CACNA2D2: variants seen among roughly 807,000 people sequenced by gnomAD.
The protein encoded by CACNA2D2 is calcium voltage-gated channel auxiliary subunit alpha2delta 2, also known as voltage-dependent calcium channel subunit alpha-2/delta-2.
A neutral mutation model predicts 166.4 loss-of-function variants in CACNA2D2; 48 were observed. The observed-to-expected ratio is 0.29, with a 90% confidence interval of 0.23 to 0.37. The LOEUF (loss-of-function observed/expected upper bound fraction) is 0.37. Among genes scored for constraint, CACNA2D2 ranks in the 10% least tolerant of loss-of-function variants. The probability of loss-of-function intolerance (pLI) is 1.00; values close to 1 mark genes in which losing one functional copy is unlikely to be tolerated. For missense variants in CACNA2D2, 1,122 were observed against 1,433.0 expected (o/e 0.78, Z 3.50); for synonymous variants, 561 against 573.7 (o/e 0.98, Z 0.32).
chr3:50,500,676 A>G (rs957962184), intron 1 of CACNA2D2, among the ~76,000 whole-genome samples: 2 of 152,004 alleles, frequency 1.3e-5, no homozygotes, highest in East Asian at 1.9e-4. Context: ...ATGTGCATAC[A>G]TGTGTGCAAA....
chr3:50,394,153 C>T lies in CACNA2D2; in HGVS notation c.421G>A (p.Ala141Thr). The change falls in exon 4 of 38, where the codon GCA (alanine) becomes ACA (threonine). Residue 141 changes from alanine to threonine, a missense_variant. Transcript: ENST00000424201. ...CGGTGTGCTTTCTGGAAGTTCTCTG[C>T]AGCATCAGCCAGTCTCTGAGGGACA... ...VQALKRLADA[A>T]ENFQKAHRWQ... 1 of 1,614,066 alleles carries T rather than the reference C, an allele frequency of 6.2e-7. No individual in the cohort carries two copies.
chr3:50,501,655 G>C (rs1698968895), intron 1 of CACNA2D2, among the ~76,000 whole-genome samples: 1 of 152,200 alleles, frequency 6.6e-6, no homozygotes, highest in African/African-American at 2.4e-5. Flanking sequence ...GAGGTGGAAA[G>C]AGACATCCAC....
chr3:50,448,998 G>A (rs1011653616), intron 2 of CACNA2D2, among the ~76,000 whole-genome samples: 1 of 152,194 alleles, frequency 6.6e-6, no homozygotes, highest in African/African-American at 2.4e-5. Flanking sequence ...CAGACAAGAG[G>A]ATCTGGAAAC....
chr3:50,377,380 C>G, intron 17 of CACNA2D2, 87 bp downstream of exon 17: 3 of 1,071,992 alleles, frequency 2.8e-6, no homozygotes, highest in Non-Finnish European at 4.2e-6. Flanking sequence ...TCCATGGAGG[C>G]GCTGTAATAC....
chr3:50,421,116 G>C (rs1176442631), intron 3 of CACNA2D2, among the ~76,000 whole-genome samples: 2 of 152,214 alleles, frequency 1.3e-5, no homozygotes, highest in East Asian at 3.9e-4. Flanking sequence ...CCTGTGTGCT[G>C]GGGAGGGGGC....
At chr3:50,434,486 G>A in intron 2 of CACNA2D2, 57 bp from the exon 3 acceptor site, 1 of 1,249,222 alleles carries the variant, frequency 8.0e-7, no homozygotes, top group Non-Finnish European at 1.2e-6. Context: ...CTCATGCCAT[G>A]GGCCCTGCAT....
At chr3:50,444,128 T>C (rs1708733173) in intron 2 of CACNA2D2, among the ~76,000 whole-genome samples, 1 of 152,178 alleles carries the variant, frequency 6.6e-6, no homozygotes, top group African/African-American at 2.4e-5. Context: ...AGCAACCTTC[T>C]TCAGGGGCTG....
chr3:50,379,372 T>C lies in CACNA2D2; in HGVS notation c.1152+60A>G. On this transcript the variant is annotated intron_variant, in intron 11 of 37. Coordinates refer to ENST00000424201, the MANE Select transcript of CACNA2D2 (RefSeq NM_006030.4). This position sits in a 1 kb window ranked among gnomAD's most constrained non-coding sequence, Gnocchi z 6.5. ...AGGCCATCCGTCTTGATTTCCTGGG[T>C]ACACCAAGCCAGGGCCCTCTACTCC... 6.3e-7 allele frequency: 1 copy of C among 1,589,108 alleles called. No homozygotes were observed. Among genetic ancestry groups the C allele is most frequent in the Admixed American group, 1.7e-5 (1 of 58,736 alleles).
chr3:50,379,070 C>T lies in CACNA2D2; in HGVS notation c.1260+22G>A, dbSNP rs5030977. On this transcript the variant is annotated intron_variant, in intron 12 of 37. Coordinates refer to ENST00000424201, the MANE Select transcript of CACNA2D2 (RefSeq NM_006030.4). The surrounding 1 kb of genome is among the most constrained non-coding windows in gnomAD (Gnocchi z 6.5). ...TGTACTGGGCCCAGGTCAGGGTAGC[C>T]CCTGCCTCGGTTGAGCCTCACCGTC... The T allele has an allele frequency of 0.084, 136,112 of 1,613,318 alleles. 6,375 individuals are homozygous for T. The highest frequency in any genetic ancestry group is 0.096 in the Non-Finnish European group (113,629 of 1,179,422).
At chr3:50,397,208 C>T (rs773125625) in intron 3 of CACNA2D2, among the ~76,000 whole-genome samples, 3 of 152,240 alleles carry the variant, frequency 2.0e-5, no homozygotes, top group Non-Finnish European at 4.4e-5. Flanking sequence ...AGCCCACTGA[C>T]TCGTGAATAA....
intron 2 of CACNA2D2, among the ~76,000 whole-genome samples, chr3:50,438,307 T>C (rs1215925051): frequency 6.6e-6 from 1 of 152,080 alleles, no homozygotes; most frequent in African/African-American, 2.4e-5. Flanking sequence ...GATGGAGACC[T>C]GCCCCTCCAC....
intron 3 of CACNA2D2, among the ~76,000 whole-genome samples, chr3:50,420,073 C>T (rs919539823): frequency 6.6e-6 from 1 of 152,272 alleles, no homozygotes; most frequent in African/African-American, 2.4e-5. Flanking sequence ...CTCTTCCCTC[C>T]ACCTCTCCTT....
Position 50,435,881 on chromosome 3 carries a change from G to A in CACNA2D2, c.289-1452C>T, listed in dbSNP as rs9835557. Among the ~76,000 whole-genome samples, 430 of 152,362 alleles carry A rather than the reference G, an allele frequency of 2.8e-3. 2 individuals are homozygous for A. Among genetic ancestry groups the A allele is most frequent in the African/African-American group, 9.9e-3 (413 of 41,584 alleles). ...ATAAGGGGGCGAGACTTGAGGCCTG[G>A]CCACATGGCCAGGGAGAAGAGAGGC... On this transcript the variant is annotated intron_variant, in intron 2 of 37. Coordinates refer to ENST00000424201, the MANE Select transcript of CACNA2D2 (RefSeq NM_006030.4).
chr3:50,426,090 C>T (rs1707797207), intron 3 of CACNA2D2, among the ~76,000 whole-genome samples: 1 of 152,190 alleles, frequency 6.6e-6, no homozygotes, highest in African/African-American at 2.4e-5. Flanking sequence ...TCTACTTCCT[C>T]CCAATCCCTG....
At chr3:50,382,974 AC>A (rs1354046841) in intron 6 of CACNA2D2, among the ~76,000 whole-genome samples, 1 of 152,134 alleles carries the variant, frequency 6.6e-6, no homozygotes, top group African/African-American at 2.4e-5. Flanking sequence ...ATGCGCACAG[AC>A]CCGTACCCAC....
chr3:50,429,389 C>T (rs1315509115), intron 3 of CACNA2D2, among the ~76,000 whole-genome samples: 1 of 151,886 alleles, frequency 6.6e-6, no homozygotes, highest in Non-Finnish European at 1.5e-5. Flanking sequence ...TATTTCAGGT[C>T]CGGCACTTGG....
intron 3 of CACNA2D2, among the ~76,000 whole-genome samples, chr3:50,408,930 C>T (rs72936978): frequency 6.6e-6 from 1 of 152,204 alleles, no homozygotes; most frequent in African/African-American, 2.4e-5. Flanking sequence ...TTCATTCAGG[C>T]TGCAGTCTCT....
At chr3:50,444,268 A>C (rs567068906) in intron 2 of CACNA2D2, among the ~76,000 whole-genome samples, 1 of 152,198 alleles carries the variant, frequency 6.6e-6, no homozygotes, top group Non-Finnish European at 1.5e-5. Context: ...CTGGCTTTTC[A>C]TCTTACAGAT....
chr3:50,456,968 A>G (rs1324399604), intron 2 of CACNA2D2, among the ~76,000 whole-genome samples: 1 of 152,192 alleles, frequency 6.6e-6, no homozygotes, highest in Non-Finnish European at 1.5e-5. Flanking sequence ...GATAAACTGG[A>G]GCCAGGTGTG....
Sources: gnomAD v4.1 joint callset for allele counts (sites outside exome capture counted in the v4.1 genomes callset) on GRCh38, gnomAD v4.1.1 for gene constraint, Gnocchi (gnomAD v3.1) non-coding constraint, MANE v1.5 for transcripts, NCBI Gene and HGNC (gene_info 2026-07-23, HGNC 2026-07-21) for gene names.